Variants in MTCL3 observed in about 807,000 individuals in gnomAD.
The protein encoded by MTCL3 is MTCL family member 3, also known as microtubule cross-linking factor 3.
the MTCL3 span, among the ~76,000 whole-genome samples, chr6:127,499,061 T>A: frequency 6.6e-6 from 1 of 152,144 alleles, no homozygotes; most frequent in South Asian, 2.1e-4. Context: ...ATTTATGGTA[T>A]GTAAATCAAA....
chr6:127,479,431 A>G, the MTCL3 span, among the ~76,000 whole-genome samples: 1 of 152,212 alleles, frequency 6.6e-6, no homozygotes, highest in African/African-American at 2.4e-5. Context: ...GAAGCCAGGT[A>G]GGGTTGCATA....
the MTCL3 span, among the ~76,000 whole-genome samples, chr6:127,491,189 G>C: frequency 1.3e-5 from 2 of 152,186 alleles, no homozygotes; most frequent in Non-Finnish European, 2.9e-5. Flanking sequence ...TAAAACAGTG[G>C]CAAGTTTTGC....
the MTCL3 span, among the ~76,000 whole-genome samples, chr6:127,489,928 A>G: frequency 6.6e-6 from 1 of 152,270 alleles, no homozygotes; most frequent in Non-Finnish European, 1.5e-5. Context: ...ATAGACTTTC[A>G]ATGTAGATAA....
At chr6:127,479,551 C>T in the MTCL3 span, among the ~76,000 whole-genome samples, 1 of 152,116 alleles carries the variant, frequency 6.6e-6, no homozygotes, top group Admixed American at 6.5e-5. Flanking sequence ...ACAAGGCACA[C>T]ACTGAAGCAG....
chr6:127,514,624 C>T, the MTCL3 span, among the ~76,000 whole-genome samples: 1 of 152,330 alleles, frequency 6.6e-6, no homozygotes, highest in African/African-American at 2.4e-5. Context: ...CCAGGCCCTC[C>T]ACACACTCTG....
the MTCL3 span, among the ~76,000 whole-genome samples, chr6:127,508,090 G>A: frequency 1.3e-5 from 2 of 151,966 alleles, no homozygotes; most frequent in Non-Finnish European, 2.9e-5. Flanking sequence ...AATGACTACT[G>A]TTTTATTTTA....
the MTCL3 span, among the ~76,000 whole-genome samples, chr6:127,493,562 A>G: frequency 1.3e-5 from 2 of 152,178 alleles, no homozygotes; most frequent in Non-Finnish European, 2.9e-5. Context: ...TGTTTATGTC[A>G]TGAAGGCAGA....
At chr6:127,516,755 A>G in the MTCL3 span, 1 of 1,409,940 alleles carries the variant, frequency 7.1e-7, no homozygotes, top group African/African-American at 1.4e-5. Flanking sequence ...ATTTTTGCAG[A>G]GCAAAGGGTG....
the MTCL3 span, among the ~76,000 whole-genome samples, chr6:127,504,995 T>A: frequency 6.6e-6 from 1 of 152,102 alleles, no homozygotes; most frequent in African/African-American, 2.4e-5. Flanking sequence ...AATTAGAATG[T>A]TTAGGGGCCA....
chr6:127,484,199 CAT>C, the MTCL3 span, among the ~76,000 whole-genome samples: 3 of 152,160 alleles, frequency 2.0e-5, no homozygotes, highest in African/African-American at 7.2e-5. Flanking sequence ...AAATTCTTCA[CAT>C]GTTAATTTCT....
the MTCL3 span, among the ~76,000 whole-genome samples, chr6:127,499,143 A>G: frequency 6.6e-6 from 1 of 152,196 alleles, no homozygotes; most frequent in Non-Finnish European, 1.5e-5. Context: ...AAGATCCCCC[A>G]AATATTTCTG....
chr6:127,475,107 C>T, the MTCL3 span, among the ~76,000 whole-genome samples: 2 of 152,240 alleles, frequency 1.3e-5, no homozygotes, highest in African/African-American at 2.4e-5. The surrounding 1 kb of genome is among the most constrained non-coding windows in gnomAD (Gnocchi z 7.3). Context: ...AAAACCTCAG[C>T]CCTGCAGAAG....
At chr6:127,487,265 T>C in the MTCL3 span, among the ~76,000 whole-genome samples, 1 of 152,214 alleles carries the variant, frequency 6.6e-6, no homozygotes, top group Non-Finnish European at 1.5e-5. Flanking sequence ...CAGGCTTATA[T>C]TATTTCTGAG....
chr6:127,484,517 G>C, the MTCL3 span, among the ~76,000 whole-genome samples: 85 of 152,302 alleles, frequency 5.6e-4, no homozygotes, highest in Admixed American at 3.1e-3. Flanking sequence ...GAACATTCTA[G>C]GTAGGGGCTG....
chr6:127,479,286 T>A, the MTCL3 span, among the ~76,000 whole-genome samples: 1 of 152,224 alleles, frequency 6.6e-6, no homozygotes, highest in Non-Finnish European at 1.5e-5. Context: ...CAGAGGTCAC[T>A]CTCGTTGCCA....
the MTCL3 span, among the ~76,000 whole-genome samples, chr6:127,508,391 A>T: frequency 6.6e-6 from 1 of 152,236 alleles, no homozygotes; most frequent in East Asian, 1.9e-4. Context: ...GGACTCTAAA[A>T]AACAAGAAAA....
chr6:127,482,403 C>T, the MTCL3 span, among the ~76,000 whole-genome samples: 1 of 152,170 alleles, frequency 6.6e-6, no homozygotes, highest in Admixed American at 6.6e-5. The surrounding 1 kb of genome is among the most constrained non-coding windows in gnomAD (Gnocchi z 4.1). Flanking sequence ...TTTAACAAAC[C>T]CATGTTGAGT....
At chr6:127,474,196 G>A in the MTCL3 span, among the ~76,000 whole-genome samples, 1 of 151,900 alleles carries the variant, frequency 6.6e-6, no homozygotes, top group South Asian at 2.1e-4. Flanking sequence ...TTTCCAGGGG[G>A]TTGTAGACAC....
At chr6:127,481,470 G>C in the MTCL3 span, 1 of 985,220 alleles carries the variant, frequency 1.0e-6, no homozygotes, top group Admixed American at 6.2e-5. Context: ...ATGTTCTGGT[G>C]CAAGTACCAG....
Sources: gnomAD v4.1 joint callset for allele counts (sites outside exome capture counted in the v4.1 genomes callset) on GRCh38, gnomAD v4.1.1 for gene constraint, Gnocchi (gnomAD v3.1) non-coding constraint, MANE v1.5 for transcripts, NCBI Gene and HGNC (gene_info 2026-07-23, HGNC 2026-07-21) for gene names.